The following ANKRD30BL variants were observed in gnomAD, a reference collection of about 807,000 sequenced individuals.
ANKRD30BL encodes ankyrin repeat domain 30B like, also known as putative ankyrin repeat domain-containing protein 30B-like.
Under a neutral mutation model 18.4 loss-of-function variants are expected in ANKRD30BL, and 20 were observed. The ratio of observed to expected loss-of-function variants is 1.09; its 90% CI spans 0.77 to 1.58. The LOEUF is 1.58. Among genes scored for constraint, ANKRD30BL ranks in the 40% most tolerant of loss-of-function variants. ANKRD30BL has a pLI of 0.00. For synonymous variants in ANKRD30BL, 72 were observed against 100.9 expected (o/e 0.71, Z 1.72); for missense variants, 224 against 268.6 (o/e 0.83, Z 1.16).
At chr2:132,253,702 G>A (rs1226474945) in intron 1 of ANKRD30BL, among the ~76,000 whole-genome samples, 1 of 151,984 alleles carries the variant, frequency 6.6e-6, no homozygotes, top group African/African-American at 2.4e-5. Context: ...ACTCCACTGT[G>A]GGCCCACTGC....
At chr2:132,233,026 A>G (rs1680064542) in intron 1 of ANKRD30BL, among the ~76,000 whole-genome samples, 1 of 152,132 alleles carries the variant, frequency 6.6e-6, no homozygotes. Context: ...GTGGGGGCCG[A>G]TATTCAACAT....
At chr2:132,253,747 G>C (rs1366327682) in intron 1 of ANKRD30BL, among the ~76,000 whole-genome samples, 1 of 151,918 alleles carries the variant, frequency 6.6e-6, no homozygotes, top group African/African-American at 2.4e-5. Context: ...ACCCCTCAAG[G>C]GGTCCTTAAA....
At chr2:132,213,005 T>C (rs1346754282) in intron 1 of ANKRD30BL, among the ~76,000 whole-genome samples, 1 of 151,928 alleles carries the variant, frequency 6.6e-6, no homozygotes, top group Non-Finnish European at 1.5e-5. Flanking sequence ...AAAGAAGAAT[T>C]CTGAGAAACT....
chr2:132,246,448 C>T (rs567651572), intron 1 of ANKRD30BL, among the ~76,000 whole-genome samples: 128 of 150,034 alleles, frequency 8.5e-4, no homozygotes, highest in Middle Eastern at 6.8e-3. Flanking sequence ...TTGAGTATTT[C>T]GTTGGAAATG....
chr2:132,219,047 C>A (rs1420400399), intron 1 of ANKRD30BL, among the ~76,000 whole-genome samples: 4 of 151,604 alleles, frequency 2.6e-5, no homozygotes, highest in South Asian at 2.1e-4. Context: ...AGAGTTGAAC[C>A]TTTCTTTTGA....
At chr2:132,232,799 G>A (rs1393906373) in intron 1 of ANKRD30BL, among the ~76,000 whole-genome samples, 1 of 152,028 alleles carries the variant, frequency 6.6e-6, no homozygotes, top group African/African-American at 2.4e-5. Context: ...AATCTAGCAA[G>A]GCAGGCCAAC....
At chr2:132,214,844 C>T (rs190190436) in intron 1 of ANKRD30BL, among the ~76,000 whole-genome samples, 1 of 151,652 alleles carries the variant, frequency 6.6e-6, no homozygotes, top group Admixed American at 6.6e-5. Flanking sequence ...AATATCTTCA[C>T]ATAAAAACTA....
intron 1 of ANKRD30BL, among the ~76,000 whole-genome samples, chr2:132,245,183 G>C: frequency 6.7e-6 from 1 of 150,304 alleles, no homozygotes; most frequent in East Asian, 1.9e-4. Context: ...TCTTTCTTTC[G>C]ATAGAGCAGA....
intron 1 of ANKRD30BL, among the ~76,000 whole-genome samples, chr2:132,248,383 G>A (rs1680557877): frequency 1.3e-5 from 2 of 152,182 alleles, no homozygotes; most frequent in Non-Finnish European, 2.9e-5. Flanking sequence ...TCTGTGAGAT[G>A]AATGCAAACA....
intron 1 of ANKRD30BL, among the ~76,000 whole-genome samples, chr2:132,178,836 T>C (rs947737006): frequency 6.6e-6 from 1 of 151,892 alleles, no homozygotes; most frequent in African/African-American, 2.4e-5. Flanking sequence ...TTAAACATGA[T>C]AGGGGAAAAT....
chr2:132,169,644 T>TAAAAAA (rs60507906), intron 1 of ANKRD30BL, among the ~76,000 whole-genome samples: 1 of 90,880 alleles, frequency 1.1e-5, no homozygotes, highest in African/African-American at 4.2e-5. Context: ...ATACTCTGTC[T>TAAAAAA]AAAAAAAAAA....
At chr2:132,222,671 C>T (rs10178178) in intron 1 of ANKRD30BL, among the ~76,000 whole-genome samples, 1 of 151,654 alleles carries the variant, frequency 6.6e-6, no homozygotes, top group Non-Finnish European at 1.5e-5. Flanking sequence ...ACTCCCTAAT[C>T]TTAAGTACCC....
chr2:132,203,588 T>A (rs1679152776), intron 1 of ANKRD30BL, among the ~76,000 whole-genome samples: 1 of 152,168 alleles, frequency 6.6e-6, no homozygotes, highest in Non-Finnish European at 1.5e-5. Flanking sequence ...ATATTAATTT[T>A]TCAGTAGAGA....
intron 1 of ANKRD30BL, among the ~76,000 whole-genome samples, chr2:132,186,585 T>G (rs1688563999): frequency 6.6e-6 from 1 of 152,194 alleles, no homozygotes; most frequent in South Asian, 2.1e-4. Flanking sequence ...TTGTTCTCCA[T>G]GTTCCCAAAA....
At chr2:132,214,772 C>T (rs1679446906) in intron 1 of ANKRD30BL, among the ~76,000 whole-genome samples, 1 of 151,690 alleles carries the variant, frequency 6.6e-6, no homozygotes, top group African/African-American at 2.4e-5. Context: ...AGTTTGGAAA[C>T]TCTCTTTTTG....
chr2:132,253,559 C>T (rs75496272), intron 1 of ANKRD30BL, among the ~76,000 whole-genome samples: 14 of 152,262 alleles, frequency 9.2e-5, no homozygotes, highest in African/African-American at 2.2e-4. Context: ...GCAGCATGCA[C>T]GACAGCACGA....
In ANKRD30BL at chr2:132,222,748, T is replaced by C. The variant is rs537181019; in HGVS notation, n.441+34781A>G. On this transcript the variant is annotated intron_variant and non_coding_transcript_variant, in intron 1 of 4. Transcript: ENST00000470729. The stretch of plus-strand genomic sequence containing the variant: ...AGGAAAACCAGAGACCTTTGTTCAC[T>C]TGTTTATCTGCTGACCTTCCCTCCA... Among the ~76,000 whole-genome samples, 241 of 150,202 alleles carry C rather than the reference T, an allele frequency of 1.6e-3. 1 individual carries two copies. The highest frequency in any genetic ancestry group is 5.6e-3 in the African/African-American group (228 of 40,854).
chr2:132,154,957 C>T, intron 3 of ANKRD30BL, 189 bp from the exon 4 acceptor site: 1 of 438,626 alleles, frequency 2.3e-6, no homozygotes, highest in Non-Finnish European at 4.2e-6. Flanking sequence ...TCTGCATCAC[C>T]ACATTAACTC....
At position 132,246,631 on chromosome 2, in the gene ANKRD30BL, T is replaced by C. The variant is rs546084434; in HGVS notation, n.441+10898A>G. Among the ~76,000 whole-genome samples, 64 of 150,770 alleles carry C rather than the reference T, an allele frequency of 4.2e-4. 1 individual carries two copies. In the South Asian group the frequency reaches 0.013, roughly 32 times the overall value. The stretch of plus-strand genomic sequence containing the variant: ...CTTTGAGGCCTTCACTGGAAACGGG[T>C]ATATCTTCACATAAAAACTAGAAAG... On this transcript the variant is annotated intron_variant and non_coding_transcript_variant, in intron 1 of 4. Coordinates refer to the ANKRD30BL transcript ENST00000470729.
Sources: gnomAD v4.1 joint callset for allele counts (sites outside exome capture counted in the v4.1 genomes callset) on GRCh38, gnomAD v4.1.1 for gene constraint, MANE v1.5 for transcripts, NCBI Gene and HGNC (gene_info 2026-07-23, HGNC 2026-07-21) for gene names.